The following TNIP3 variants were observed in gnomAD, a reference collection of about 807,000 sequenced individuals.
TNIP3 encodes the protein TNFAIP3-interacting protein 3.
In TNIP3, 34 loss-of-function variants were observed where a neutral mutation model predicts 54.1. The observed-to-expected ratio is 0.63, with a 90% CI of 0.48 to 0.84. The LOEUF (loss-of-function observed/expected upper bound fraction) is 0.84, where lower values mean the gene tolerates loss of function less well. TNIP3 is among the 40% of genes least tolerant of loss of function. TNIP3 has a pLI of 0.00. For synonymous variants in TNIP3, 134 were observed against 136.8 expected, an observed-to-expected ratio of 0.98 and a Z score of 0.14; for missense variants, 366 against 387.6, an observed-to-expected ratio of 0.94 and a Z score of 0.47.
intron 2 of TNIP3, among the ~76,000 whole-genome samples, chr4:121,199,975 T>C (rs919282082): frequency 7.9e-5 from 12 of 152,214 alleles, no homozygotes; most frequent in Admixed American, 6.5e-4. Flanking sequence ...TTTTTCTCAA[T>C]TACACAAAGG....
upstream of TNIP3, among the ~76,000 whole-genome samples, chr4:121,219,686 G>T (rs1726951837): frequency 6.6e-6 from 1 of 152,158 alleles, no homozygotes; most frequent in Admixed American, 6.5e-5. Flanking sequence ...TACAGACCTT[G>T]AAAATGTTAT....
chr4:121,157,317 T>C, intron 3 of TNIP3, 74 bp from the exon 4 acceptor site: 3 of 1,600,988 alleles, frequency 1.9e-6, no homozygotes, highest in South Asian at 1.1e-5. Context: ...ATTCCCAGGC[T>C]ATGAACTTTG....
intron 9 of TNIP3, 67 bp downstream of exon 9, chr4:121,141,749 C>G: frequency 9.2e-7 from 1 of 1,083,520 alleles, no homozygotes; most frequent in Non-Finnish European, 1.3e-6. Flanking sequence ...TGCTGAAATT[C>G]CAGAGATGCA....
In TNIP3 at chr4:121,171,607, T is replaced by A. The variant is rs150861894; in HGVS notation, c.190-7461A>T. ...TAACCTGTCCTTACCACTTTCACCATCTGCCCCAGAAGAGAAAGGTTTCAT... is the reference window on the plus strand; with the variant it reads ...TAACCTGTCCTTACCACTTTCACCAACTGCCCCAGAAGAGAAAGGTTTCAT... On this transcript the variant is annotated intron_variant, in intron 3 of 12. Transcript: ENST00000507879. Among the ~76,000 whole-genome samples the A allele has an allele frequency of 8.0e-3, 1,225 of 152,300 alleles. 14 individuals are homozygous for A. The highest frequency in any genetic ancestry group is 0.028 in the African/African-American group (1,184 of 41,564).
intron 1 of TNIP3, 111 bp downstream of exon 1, chr4:121,163,949 A>T: frequency 7.8e-7 from 1 of 1,280,646 alleles, no homozygotes; most frequent in Non-Finnish European, 1.1e-6. Flanking sequence ...AATCTTAGCT[A>T]AAGAAAGCAA....
intron 4 of TNIP3, among the ~76,000 whole-genome samples, chr4:121,155,090 G>A (rs1730006154): frequency 1.3e-5 from 2 of 151,768 alleles, no homozygotes; most frequent in Non-Finnish European, 2.9e-5. Context: ...AGCCTCCCTA[G>A]TAGCTGGGAT....
rs550905293 is a variant in TNIP3, at chr4:121,182,745, A to G, written c.120T>C (p.Asn40=). 4.6e-6 allele frequency: 7 copies of G among 1,534,138 alleles called. No individual in the cohort carries two copies. In the East Asian group the frequency reaches 1.5e-4, roughly 32 times the overall value. The change falls in exon 3 of 13, where the codon AAT becomes AAC. Residue 40 remains asparagine, a synonymous_variant. Transcript: ENST00000507879. ...TGAACCGTTTTGGATGAGGAGACGC[A>G]TTTCTCTCAATCAGATCCTGGATTT... is the stretch of plus-strand genomic sequence containing the variant.
upstream of TNIP3, among the ~76,000 whole-genome samples, chr4:121,164,538 G>C (rs113499064): frequency 7.2e-5 from 11 of 152,152 alleles, no homozygotes; most frequent in Admixed American, 5.2e-4. Flanking sequence ...TGTTTCCTCA[G>C]TAGCCTAACT....
chr4:121,162,255 CTGTT>C (rs754676874), intron 1 of TNIP3, among the ~76,000 whole-genome samples: 11 of 152,232 alleles, frequency 7.2e-5, no homozygotes, highest in Admixed American at 2.6e-4. Context: ...TATCTTTTCT[CTGTT>C]TGTTTATGTT....
chr4:121,207,330 A>T (rs550624124), intron 2 of TNIP3, among the ~76,000 whole-genome samples: 1 of 152,348 alleles, frequency 6.6e-6, no homozygotes, highest in African/African-American at 2.4e-5. Context: ...AAACTTCTAA[A>T]TTAAAAAGAG....
intron 2 of TNIP3, among the ~76,000 whole-genome samples, chr4:121,203,661 T>G (rs1330819702): frequency 2.0e-5 from 3 of 152,108 alleles, no homozygotes; most frequent in Non-Finnish European, 4.4e-5. Context: ...ATACATAAAC[T>G]TATTTATCAG....
chr4:121,144,809 AT>A, intron 7 of TNIP3, among the ~76,000 whole-genome samples: 1 of 152,310 alleles, frequency 6.6e-6, no homozygotes, highest in South Asian at 2.1e-4. Context: ...TAAGGAACTT[AT>A]TTTTTAGAGA....
chr4:121,160,267 A>G (rs1329750498), intron 2 of TNIP3, among the ~76,000 whole-genome samples: 1 of 152,042 alleles, frequency 6.6e-6, no homozygotes, highest in African/African-American at 2.4e-5. Flanking sequence ...TCACTTGAGG[A>G]TAGGAGTTCT....
At chr4:121,135,157 A>G (rs907431714) in intron 10 of TNIP3, among the ~76,000 whole-genome samples, 2 of 152,142 alleles carry the variant, frequency 1.3e-5, no homozygotes, top group African/African-American at 4.8e-5. Context: ...TTTGAAACTG[A>G]GCATTGTAAA....
chr4:121,197,031 C>T (rs1190821249), intron 2 of TNIP3, among the ~76,000 whole-genome samples: 3 of 151,908 alleles, frequency 2.0e-5, no homozygotes, highest in Non-Finnish European at 4.4e-5. Flanking sequence ...GACTCAAAGT[C>T]TTAATGAACT....
intron 10 of TNIP3, chr4:121,137,873 C>G: frequency 2.2e-6 from 1 of 449,512 alleles, no homozygotes; most frequent in Non-Finnish European, 4.5e-6. Flanking sequence ...AGACTTTAAA[C>G]ATGTAGCAGA....
chr4:121,204,479 G>T (rs1726071898), intron 2 of TNIP3, among the ~76,000 whole-genome samples: 1 of 152,072 alleles, frequency 6.6e-6, no homozygotes, highest in Admixed American at 6.6e-5. Context: ...ACCACCTTGG[G>T]CACATGTCAT....
rs554214179 is a variant in TNIP3 at position 121,171,598 on chromosome 4, C to A, written c.190-7452G>T. Among the ~76,000 whole-genome samples the A allele has an allele frequency of 1.8e-3, 280 of 152,300 alleles. 2 individuals carry two copies. Among genetic ancestry groups the A allele is most frequent in the African/African-American group, 6.1e-3 (254 of 41,568 alleles). The stretch of plus-strand genomic sequence containing the variant: ...GAGTCAGTGTAACCTGTCCTTACCA[C>A]TTTCACCATCTGCCCCAGAAGAGAA... On this transcript the variant is annotated intron_variant, in intron 3 of 12. Coordinates refer to the TNIP3 transcript ENST00000507879.
upstream of TNIP3, among the ~76,000 whole-genome samples, chr4:121,219,678 C>T (rs528063941): frequency 5.3e-5 from 8 of 152,294 alleles, no homozygotes; most frequent in Admixed American, 2.0e-4. Context: ...ATAGGTTTTA[C>T]AGACCTTGAA....
Sources: allele counts gnomAD v4.1 joint callset (sites outside exome capture counted in the v4.1 genomes callset), GRCh38; gene constraint gnomAD v4.1.1; transcripts MANE v1.5; gene names NCBI Gene and HGNC (gene_info 2026-07-23, HGNC 2026-07-21).